The following EPHA5 variants were observed in gnomAD, a reference collection of about 807,000 sequenced individuals.
EPHA5 encodes the protein ephrin type-A receptor 5.
In EPHA5, 60 loss-of-function variants were observed where a neutral mutation model predicts 105.0. The observed-to-expected ratio is 0.57, with a 90% CI of 0.46 to 0.71. The LOEUF is 0.71. Among genes scored for constraint, EPHA5 ranks in the 30% least tolerant of loss-of-function variants. EPHA5 has a pLI of 0.00. For missense variants in EPHA5, 1,218 were observed against 1,274.7 expected, an observed-to-expected ratio of 0.96 and a Z score of 0.68; for synonymous variants, 513 against 449.1, an observed-to-expected ratio of 1.14 and a Z score of -1.80.
chr4:65,353,396 C>T (rs1448225675), intron 11 of EPHA5, among the ~76,000 whole-genome samples: 1 of 148,174 alleles, frequency 6.7e-6, no homozygotes, highest in Non-Finnish European at 1.5e-5. Flanking sequence ...TAAAAATGTC[C>T]TCTTTAAGAA....
intron 1 of EPHA5, among the ~76,000 whole-genome samples, chr4:65,659,687 A>G (rs1409569851): frequency 1.3e-5 from 2 of 152,112 alleles, no homozygotes; most frequent in Non-Finnish European, 2.9e-5. Flanking sequence ...GTTAGTTATG[A>G]TTACTTTATA....
intron 8 of EPHA5, among the ~76,000 whole-genome samples, chr4:65,384,225 A>G (rs1348280997): frequency 6.6e-6 from 1 of 151,916 alleles, no homozygotes. Flanking sequence ...GGTAAAATTT[A>G]TCTTCACCCT....
chr4:65,661,535 T>C (rs1429241779), intron 1 of EPHA5, among the ~76,000 whole-genome samples: 1 of 152,162 alleles, frequency 6.6e-6, no homozygotes, highest in Non-Finnish European at 1.5e-5. Flanking sequence ...ACACCCAGTA[T>C]GGCATTACTA....
At chr4:65,438,351 T>C (rs1327398223) in intron 5 of EPHA5, among the ~76,000 whole-genome samples, 1 of 140,132 alleles carries the variant, frequency 7.1e-6, no homozygotes, top group East Asian at 2.0e-4. Context: ...AATTAGTTAT[T>C]ATTTAACATT....
intron 3 of EPHA5, among the ~76,000 whole-genome samples, chr4:65,558,607 T>C (rs1214864396): frequency 6.6e-6 from 1 of 152,130 alleles, no homozygotes; most frequent in African/African-American, 2.4e-5. Context: ...GTTAGTTACA[T>C]ATGTATACAT....
chr4:65,572,905 C>T (rs1193334493), intron 3 of EPHA5, among the ~76,000 whole-genome samples: 1 of 151,754 alleles, frequency 6.6e-6, no homozygotes, highest in African/African-American at 2.4e-5. Context: ...GTGGTGCACG[C>T]CTGTATTATC....
intron 14 of EPHA5, among the ~76,000 whole-genome samples, chr4:65,342,879 T>G (rs942993590): frequency 1.3e-5 from 2 of 151,958 alleles, no homozygotes; most frequent in Non-Finnish European, 2.9e-5. Flanking sequence ...AGTCAAATAG[T>G]CTTTCTGCTT....
At chr4:65,375,786 T>TACACACAC (rs72454890) in intron 8 of EPHA5, among the ~76,000 whole-genome samples, 2 of 132,412 alleles carry the variant, frequency 1.5e-5, no homozygotes, top group African/African-American at 5.0e-5. Context: ...CACACACACA[T>TACACACAC]ACACACACAC....
chr4:65,380,790 G>A (rs1051371637), intron 8 of EPHA5, among the ~76,000 whole-genome samples: 2 of 151,774 alleles, frequency 1.3e-5, no homozygotes, highest in Non-Finnish European at 2.9e-5. Flanking sequence ...GTTCTTATGT[G>A]TGGCAAGTGA....
At chr4:65,514,273 C>A (rs1008226876) in intron 3 of EPHA5, among the ~76,000 whole-genome samples, 1 of 152,162 alleles carries the variant, frequency 6.6e-6, no homozygotes, top group African/African-American at 2.4e-5. Context: ...ACATTCTTCT[C>A]ATCATTAGGT....
At chr4:65,477,665 G>A (rs1461149361) in intron 5 of EPHA5, among the ~76,000 whole-genome samples, 1 of 151,892 alleles carries the variant, frequency 6.6e-6, no homozygotes. Flanking sequence ...CCCCTGCCTC[G>A]GCCTCCCAAA....
intron 3 of EPHA5, among the ~76,000 whole-genome samples, chr4:65,497,980 G>GA (rs1732112386): frequency 6.6e-6 from 1 of 151,758 alleles, no homozygotes; most frequent in African/African-American, 2.4e-5. Flanking sequence ...ACCAGGAAAA[G>GA]AAAAAGGAGC....
At chr4:65,600,983 C>A (rs370605184) in intron 3 of EPHA5, among the ~76,000 whole-genome samples, 33 of 152,142 alleles carry the variant, frequency 2.2e-4, no homozygotes, top group Admixed American at 7.2e-4. Context: ...TCCCCCAGGG[C>A]AAATTGCTTT....
intron 3 of EPHA5, among the ~76,000 whole-genome samples, chr4:65,542,251 G>T (rs1736913584): frequency 6.6e-6 from 1 of 151,772 alleles, no homozygotes; most frequent in Non-Finnish European, 1.5e-5. Flanking sequence ...TGGAACTGAA[G>T]AAGATAAAGA....
intron 11 of EPHA5, among the ~76,000 whole-genome samples, chr4:65,357,949 TC>T (rs1262585908): frequency 1.3e-5 from 2 of 151,568 alleles, no homozygotes; most frequent in African/African-American, 4.8e-5. Context: ...GGTAATACAA[TC>T]CTTTGCCATA....
chr4:65,368,146 T>C (rs1718104641), intron 8 of EPHA5, among the ~76,000 whole-genome samples: 1 of 152,126 alleles, frequency 6.6e-6, no homozygotes, highest in Admixed American at 6.6e-5. Flanking sequence ...CCCTCACTAC[T>C]TTTCTGATGC....
chr4:65,356,443 T>A (rs530350295), intron 11 of EPHA5, among the ~76,000 whole-genome samples: 1 of 151,502 alleles, frequency 6.6e-6, no homozygotes, highest in Admixed American at 6.6e-5. Flanking sequence ...AAAGAGAATG[T>A]GCTGATCAGA....
At chr4:65,512,413 A>G (rs537165395) in intron 3 of EPHA5, among the ~76,000 whole-genome samples, 17 of 152,180 alleles carry the variant, frequency 1.1e-4, no homozygotes, top group African/African-American at 3.9e-4. Flanking sequence ...GTAATCCCCA[A>G]TGTTGGAGGT....
intron 11 of EPHA5, among the ~76,000 whole-genome samples, chr4:65,358,245 C>T (rs1723497713): frequency 6.6e-6 from 1 of 151,458 alleles, no homozygotes; most frequent in Non-Finnish European, 1.5e-5. Flanking sequence ...CTTTCCCAAA[C>T]CATTAGCTCA....
Sources: allele counts gnomAD v4.1 joint callset (sites outside exome capture counted in the v4.1 genomes callset), GRCh38; gene constraint gnomAD v4.1.1; transcripts MANE v1.5; gene names NCBI Gene and HGNC (gene_info 2026-07-23, HGNC 2026-07-21).